Variants in LRMDA observed in about 807,000 individuals in gnomAD.
LRMDA encodes leucine rich melanocyte differentiation associated, also known as leucine-rich melanocyte differentiation-associated protein.
A neutral mutation model predicts 29.8 loss-of-function variants in LRMDA; 18 were observed. The ratio of observed to expected loss-of-function variants is 0.60; its 90% CI spans 0.42 to 0.90. The LOEUF is 0.90. Among genes scored for constraint, LRMDA ranks in the 40% least tolerant of loss-of-function variants. LRMDA has a pLI of 0.00. For synonymous variants in LRMDA, 125 were observed against 109.4 expected (o/e 1.14, Z -0.89); for missense variants, 273 against 273.9 (o/e 1.00, Z 0.02).
rs568293578 is a variant in LRMDA, at chr10:76,522,106, T to C, written c.602-35103T>C. 3.3e-4 allele frequency among the ~76,000 whole-genome samples: 51 copies of C among 152,334 alleles called. 1 individual carries two copies. The Middle Eastern group carries it at 0.017, about 51-fold the overall frequency. On this transcript the variant is annotated intron_variant, in intron 6 of 6. Coordinates refer to ENST00000611255, the MANE Select transcript of LRMDA (RefSeq NM_001305581.2). Reference sequence around the variant, plus strand: ...ACCTCACTTGTAGGGGTTAAACTTATGCTTGGAATCAAGATTAACTGAAAT... The same window carrying C: ...ACCTCACTTGTAGGGGTTAAACTTACGCTTGGAATCAAGATTAACTGAAAT...
chr10:75,691,004 C>T (rs1357766965), intron 2 of LRMDA, among the ~76,000 whole-genome samples: 2 of 139,562 alleles, frequency 1.4e-5, no homozygotes, highest in South Asian at 2.3e-4. Context: ...TACACACACA[C>T]ACACACACAC....
chr10:76,097,411 A>G (rs966179873), intron 5 of LRMDA, among the ~76,000 whole-genome samples: 2 of 152,234 alleles, frequency 1.3e-5, no homozygotes, highest in Non-Finnish European at 2.9e-5. Flanking sequence ...GAACAACAGT[A>G]CTTAGAATCA....
chr10:76,033,084 G>C (rs1848178146), intron 2 of LRMDA, among the ~76,000 whole-genome samples: 1 of 151,932 alleles, frequency 6.6e-6, no homozygotes, highest in African/African-American at 2.4e-5. Context: ...ATAAATAAAG[G>C]GTAAAGCCAC....
chr10:75,980,591 G>T (rs1847151234), intron 2 of LRMDA, among the ~76,000 whole-genome samples: 1 of 151,964 alleles, frequency 6.6e-6, no homozygotes, highest in Admixed American at 6.5e-5. Context: ...GGCTAAGTGT[G>T]AACTGAACAT....
At chr10:75,865,572 T>G (rs76269244) in intron 2 of LRMDA, among the ~76,000 whole-genome samples, 2 of 152,196 alleles carry the variant, frequency 1.3e-5, no homozygotes, top group Non-Finnish European at 2.9e-5. Context: ...GGATGTTATC[T>G]TACCATACCA....
chr10:75,933,189 C>G (rs1378695505), intron 2 of LRMDA, among the ~76,000 whole-genome samples: 3 of 152,086 alleles, frequency 2.0e-5, no homozygotes, highest in Non-Finnish European at 4.4e-5. Context: ...GACTCATCAC[C>G]TTCAAGCAAA....
At chr10:75,937,138 T>C (rs1846310255) in intron 2 of LRMDA, among the ~76,000 whole-genome samples, 1 of 152,140 alleles carries the variant, frequency 6.6e-6, no homozygotes, top group Admixed American at 6.6e-5. Context: ...CAAGATACTC[T>C]CTGTGGGAAT....
At chr10:75,800,816 G>C (rs1441667319) in intron 2 of LRMDA, among the ~76,000 whole-genome samples, 1 of 152,188 alleles carries the variant, frequency 6.6e-6, no homozygotes, top group South Asian at 2.1e-4. Context: ...ATTTTCCATT[G>C]CGTTAATATG....
chr10:75,486,146 G>C (rs1347306501), intron 2 of LRMDA, among the ~76,000 whole-genome samples: 1 of 152,250 alleles, frequency 6.6e-6, no homozygotes, highest in East Asian at 1.9e-4. Flanking sequence ...AAAAGTTGTT[G>C]AAGAGAGTGT....
At chr10:76,422,844 A>G (rs1335653924) in intron 6 of LRMDA, among the ~76,000 whole-genome samples, 1 of 152,174 alleles carries the variant, frequency 6.6e-6, no homozygotes, top group Admixed American at 6.5e-5. Flanking sequence ...TCCCCTCTCC[A>G]TCTGAAGTCT....
intron 2 of LRMDA, among the ~76,000 whole-genome samples, chr10:75,791,769 A>G (rs562507705): frequency 2.6e-5 from 4 of 151,298 alleles, no homozygotes; most frequent in African/African-American, 9.7e-5. Context: ...GGAAAAAGGT[A>G]TATATGGTAA....
intron 6 of LRMDA, among the ~76,000 whole-genome samples, chr10:76,356,499 GA>G (rs1168013612): frequency 6.6e-6 from 1 of 152,234 alleles, no homozygotes; most frequent in South Asian, 2.1e-4. Flanking sequence ...GGAATTTTGA[GA>G]AAACCGTATT....
chr10:75,907,971 A>G (rs963111434), intron 2 of LRMDA, among the ~76,000 whole-genome samples: 3 of 152,190 alleles, frequency 2.0e-5, no homozygotes, highest in African/African-American at 7.2e-5. Flanking sequence ...TTGCCTGATG[A>G]AGACGCTCCC....
At chr10:75,607,824 GTTTTTTTTT>G (rs5786180) in intron 2 of LRMDA, among the ~76,000 whole-genome samples, 1 of 72,300 alleles carries the variant, frequency 1.4e-5, no homozygotes, top group African/African-American at 5.4e-5. Context: ...TGATTCAGTG[GTTTTTTTTT>G]TTTTTTTTTT....
At chr10:75,495,363 C>T (rs1050302409) in intron 2 of LRMDA, among the ~76,000 whole-genome samples, 11 of 151,836 alleles carry the variant, frequency 7.2e-5, no homozygotes, top group African/African-American at 2.7e-4. Context: ...TCAAGGTTTC[C>T]CTTGATGTTT....
intron 2 of LRMDA, among the ~76,000 whole-genome samples, chr10:75,855,032 G>C (rs1324885209): frequency 6.6e-6 from 1 of 152,180 alleles, no homozygotes; most frequent in Non-Finnish European, 1.5e-5. Context: ...AAACATACGT[G>C]TGCATGTGTC....
intron 2 of LRMDA, among the ~76,000 whole-genome samples, chr10:75,856,481 A>G (rs1366156575): frequency 1.3e-5 from 2 of 152,184 alleles, no homozygotes; most frequent in African/African-American, 2.4e-5. Flanking sequence ...AAGTTTGTCC[A>G]CCATGATCAA....
At chr10:76,301,617 T>A (rs1397203158) in intron 5 of LRMDA, among the ~76,000 whole-genome samples, 2 of 152,138 alleles carry the variant, frequency 1.3e-5, no homozygotes, top group Admixed American at 6.5e-5. Flanking sequence ...AAGTAGCAAC[T>A]CAGCATGCAA....
chr10:75,478,191 A>G (rs1316889079), intron 2 of LRMDA, among the ~76,000 whole-genome samples: 4 of 152,360 alleles, frequency 2.6e-5, no homozygotes, highest in East Asian at 1.9e-4. Flanking sequence ...CTCTCCCCCA[A>G]GATTACAACT....
Sources: allele counts gnomAD v4.1 joint callset (sites outside exome capture counted in the v4.1 genomes callset), GRCh38; gene constraint gnomAD v4.1.1; transcripts MANE v1.5; gene names NCBI Gene and HGNC (gene_info 2026-07-23, HGNC 2026-07-21).